Variants in CD8B2 observed in about 807,000 individuals in gnomAD.
CD8B2 encodes T-cell surface glycoprotein CD8 beta-2 chain.
CD8B2 carries 11 observed loss-of-function variants against 23.7 expected under a neutral mutation model. That is an observed-to-expected ratio of 0.46 (90% CI 0.29 to 0.77). The LOEUF (loss-of-function observed/expected upper bound fraction) is 0.77, where lower values mean the gene tolerates loss of function less well. CD8B2 is among the 30% of genes least tolerant of loss of function. CD8B2 has a pLI of 0.09. For synonymous variants in CD8B2, 90 were observed against 109.3 expected, an observed-to-expected ratio of 0.82 and a Z score of 1.10; for missense variants, 197 against 270.5, an observed-to-expected ratio of 0.73 and a Z score of 1.91.
intron 4 of CD8B2, among the ~76,000 whole-genome samples, chr2:106,503,867 C>T (rs1197367512): frequency 6.6e-6 from 1 of 152,256 alleles, no homozygotes; most frequent in Non-Finnish European, 1.5e-5. Context: ...AAATCTCGCT[C>T]ATCCTCTGAA....
intron 4 of CD8B2, among the ~76,000 whole-genome samples, chr2:106,503,486 C>A (rs1455072210): frequency 6.6e-6 from 1 of 152,158 alleles, no homozygotes; most frequent in South Asian, 2.1e-4. Flanking sequence ...CAAACTCTCT[C>A]GATCAAGGAA....
At chr2:106,526,372 C>T (rs1192628875) in intron 5 of CD8B2, among the ~76,000 whole-genome samples, 1 of 152,182 alleles carries the variant, frequency 6.6e-6, no homozygotes, top group Non-Finnish European at 1.5e-5. Context: ...TGGCACTTCA[C>T]CTCCCAAAAT....
intron 5 of CD8B2, among the ~76,000 whole-genome samples, chr2:106,520,906 T>C (rs920930117): frequency 5.2e-4 from 3 of 5,724 alleles, no homozygotes; most frequent in East Asian, 0.037. Context: ...GAGGTTTAAA[T>C]AGGCAAAAGA....
intron 5 of CD8B2, among the ~76,000 whole-genome samples, chr2:106,536,107 T>C (rs1680085055): frequency 6.7e-6 from 1 of 148,854 alleles, no homozygotes; most frequent in African/African-American, 2.5e-5. Context: ...CAATCTCAGC[T>C]CATCACAACC....
intron 5 of CD8B2, among the ~76,000 whole-genome samples, chr2:106,536,916 A>G (rs900686460): frequency 6.6e-6 from 1 of 152,208 alleles, no homozygotes; most frequent in Non-Finnish European, 1.5e-5. Flanking sequence ...GAGCATGCCA[A>G]TCAAACTGTG....
At chr2:106,497,980 C>G (rs1679330182) in intron 3 of CD8B2, among the ~76,000 whole-genome samples, 1 of 152,120 alleles carries the variant, frequency 6.6e-6, no homozygotes, top group Non-Finnish European at 1.5e-5. Flanking sequence ...TAGAAAGAAA[C>G]AACCTGCCAC....
At chr2:106,521,060 CAG>C (rs1296387947) in intron 5 of CD8B2, among the ~76,000 whole-genome samples, 1 of 138,206 alleles carries the variant, frequency 7.2e-6, no homozygotes, top group Non-Finnish European at 1.6e-5. Context: ...AAGAGAGAGA[CAG>C]AGAGAGAGAC....
intron 3 of CD8B2, among the ~76,000 whole-genome samples, chr2:106,498,552 C>A (rs1679342824): frequency 6.6e-6 from 1 of 152,084 alleles, no homozygotes; most frequent in African/African-American, 2.4e-5. Context: ...TGAAGGTGAC[C>A]TAGTGGAGTA....
At chr2:106,525,576 C>A (rs1310640447) in intron 5 of CD8B2, among the ~76,000 whole-genome samples, 2 of 152,158 alleles carry the variant, frequency 1.3e-5, no homozygotes, top group South Asian at 4.1e-4. Context: ...TGTTCTACCA[C>A]GTTTTCGTCA....
At chr2:106,544,152 A>C in exon 6 of CD8B2, 1 of 398,378 alleles carries the variant, frequency 2.5e-6, no homozygotes. Flanking sequence ...AGGTGCTCAG[A>C]CTGCATGCGT....
chr2:106,540,721 C>T lies in CD8B2; in HGVS notation c.621-3271C>T, dbSNP rs144230457. Among the ~76,000 whole-genome samples, 15 of 152,180 alleles carry T rather than the reference C, an allele frequency of 9.9e-5. No homozygotes were observed. In the South Asian group the frequency reaches 1.2e-3, roughly 13 times the overall value. ...TTGGGATTACAGGCGCCTACCACCA[C>T]GCCAGGCTAATTTTTCTATTTTTTG... On this transcript the variant is annotated intron_variant, in intron 5 of 5. Coordinates refer to the CD8B2 transcript ENST00000416057.
downstream of CD8B2, among the ~76,000 whole-genome samples, chr2:106,515,953 G>C (rs1378162946): frequency 1.3e-5 from 2 of 151,894 alleles, no homozygotes; most frequent in Non-Finnish European, 2.9e-5. Context: ...CTCCCGAGTA[G>C]GTGGGATTAC....
chr2:106,532,786 T>C (rs183001802), intron 5 of CD8B2, among the ~76,000 whole-genome samples: 12 of 152,340 alleles, frequency 7.9e-5, no homozygotes, highest in African/African-American at 2.4e-4. Flanking sequence ...TTGGTTTTTG[T>C]GGGCTTTGGC....
intron 2 of CD8B2, among the ~76,000 whole-genome samples, chr2:106,493,490 C>G (rs1679234830): frequency 6.6e-6 from 1 of 152,146 alleles, no homozygotes; most frequent in African/African-American, 2.4e-5. Context: ...TCTGGGCTCA[C>G]CACTGACCAT....
chr2:106,528,400 TAC>T (rs1679944949), intron 5 of CD8B2, among the ~76,000 whole-genome samples: 1 of 152,350 alleles, frequency 6.6e-6, no homozygotes, highest in East Asian at 1.9e-4. Context: ...TTGTAACTCA[TAC>T]AGTTAGTTCT....
chr2:106,492,928 T>G (rs1322521593), intron 2 of CD8B2, among the ~76,000 whole-genome samples: 1 of 152,204 alleles, frequency 6.6e-6, no homozygotes, highest in Non-Finnish European at 1.5e-5. Flanking sequence ...TTTAGCTTAT[T>G]GTTTTTGTCT....
intron 5 of CD8B2, among the ~76,000 whole-genome samples, chr2:106,519,195 G>T (rs1474270195): frequency 1.3e-5 from 2 of 152,164 alleles, no homozygotes; most frequent in African/African-American, 4.8e-5. Flanking sequence ...CTGATTGCTG[G>T]ACTCCTCCTC....
At chr2:106,515,301 T>C (rs1398035760), downstream of CD8B2, among the ~76,000 whole-genome samples, 1 of 152,222 alleles carries the variant, frequency 6.6e-6, no homozygotes, top group Non-Finnish European at 1.5e-5. Flanking sequence ...GCCTATTTCC[T>C]GGTACCCACT....
chr2:106,490,953 C>T lies in CD8B2; in HGVS notation c.123C>T (p.Cys41=), dbSNP rs1573327525. Residue 41 remains cysteine, a synonymous_variant, in exon 2 of 6, where the codon TGC becomes TGT. Transcript: ENST00000643224. ...VQTNKMVMLS[C]EAKISLSNMC... ...CCAACAAGATGGTGATGCTGTCCTG[C>T]GAGGCTAAAATCTCCCTCAGTAACA... 3.2e-5 allele frequency: 51 copies of T among 1,613,946 alleles called. No homozygotes were observed. In the East Asian group the frequency reaches 4.5e-4, roughly 14 times the overall value.
Sources: allele counts gnomAD v4.1 joint callset (sites outside exome capture counted in the v4.1 genomes callset), GRCh38; gene constraint gnomAD v4.1.1; transcripts MANE v1.5; gene names NCBI Gene and HGNC (gene_info 2026-07-23, HGNC 2026-07-21).